Variants in GRIN3A observed in about 807,000 individuals in gnomAD.
The protein encoded by GRIN3A is glutamate receptor ionotropic, NMDA 3A.
A neutral mutation model predicts 92.4 loss-of-function variants in GRIN3A; 47 were observed. The ratio of observed to expected loss-of-function variants is 0.51; its 90% CI spans 0.40 to 0.65. The LOEUF (loss-of-function observed/expected upper bound fraction) is 0.65, where lower values mean the gene tolerates loss of function less well. Among genes scored for constraint, GRIN3A ranks in the 30% least tolerant of loss-of-function variants. The pLI is 0.00. For synonymous variants in GRIN3A, 527 were observed against 540.6 expected (o/e 0.97, Z 0.35); for missense variants, 1,324 against 1,393.1 (o/e 0.95, Z 0.79).
At chr9:101,577,877 T>A in intron 7 of GRIN3A, 33 bp from the exon 8 acceptor site, 2 of 1,482,670 alleles carry the variant, frequency 1.3e-6, no homozygotes, top group Non-Finnish European at 1.9e-6. Context: ...AGGTAGAAAT[T>A]ATGAGAAACA....
intron 6 of GRIN3A, among the ~76,000 whole-genome samples, chr9:101,596,821 T>C (rs901058265): frequency 3.3e-5 from 5 of 152,208 alleles, no homozygotes; most frequent in Non-Finnish European, 7.3e-5. Context: ...GATTCAGTCT[T>C]AGGAAGGGTG....
In GRIN3A at chr9:101,709,186, T is replaced by A. The variant is rs1395127066; in HGVS notation, c.700-21986A>T. On this transcript the variant is annotated intron_variant, in intron 1 of 8. Transcript: ENST00000361820. ...AGAGGCCGGACATGATAAAGGAAGC[T>A]AATGATAAATATGTTAATGTGTATT... is the stretch of plus-strand genomic sequence containing the variant. 2.0e-5 allele frequency among the ~76,000 whole-genome samples: 3 copies of A among 152,142 alleles called. No individual in the cohort carries two copies. The East Asian group carries it at 5.8e-4, about 29-fold the overall frequency.
chr9:101,628,106 T>C, intron 4 of GRIN3A, 150 bp downstream of exon 4: 1 of 698,202 alleles, frequency 1.4e-6, no homozygotes, highest in East Asian at 2.7e-5. Flanking sequence ...TCACACCATC[T>C]CCTGGGATCT....
At chr9:101,733,162 A>G (rs895353736) in intron 1 of GRIN3A, among the ~76,000 whole-genome samples, 1 of 152,210 alleles carries the variant, frequency 6.6e-6, no homozygotes, top group Non-Finnish European at 1.5e-5. Flanking sequence ...ATCATAAATT[A>G]ACTCTAAGAT....
intron 6 of GRIN3A, among the ~76,000 whole-genome samples, chr9:101,581,706 G>A (rs1827889622): frequency 6.6e-6 from 1 of 152,132 alleles, no homozygotes; most frequent in Non-Finnish European, 1.5e-5. Flanking sequence ...CCCAGTCTCG[G>A]GTATTTTGTT....
chr9:101,732,952 T>C lies in GRIN3A; in HGVS notation c.699+4329A>G, dbSNP rs577401790. Among the ~76,000 whole-genome samples, 118 of 152,284 alleles carry C rather than the reference T, an allele frequency of 7.7e-4. 1 individual carries two copies. The highest frequency in any genetic ancestry group is 9.8e-4 in the Admixed American group (15 of 15,306). On this transcript the variant is annotated intron_variant, in intron 1 of 8. Coordinates refer to ENST00000361820, the MANE Select transcript of GRIN3A (RefSeq NM_133445.3). ...GAACATCTGCAACGAAAGAGGCAGA[T>C]TGGGAACATTTTGGCCACTATTTCA...
At chr9:101,593,657 A>T (rs949616240) in intron 6 of GRIN3A, 1 of 152,264 alleles carries the variant, frequency 6.6e-6, no homozygotes, top group African/African-American at 2.4e-5. Flanking sequence ...ATTGAAATTA[A>T]TGCTGGTGTG....
At chr9:101,714,873 C>T (rs1031734171) in intron 1 of GRIN3A, among the ~76,000 whole-genome samples, 5 of 152,082 alleles carry the variant, frequency 3.3e-5, no homozygotes, top group African/African-American at 9.7e-5. Context: ...AAAAGGTGAT[C>T]TTCAAAGGGA....
chr9:101,737,842 G>A lies in GRIN3A; in HGVS notation c.138C>T (p.His46=), dbSNP rs1024312927. The change falls in exon 1 of 9, where the codon CAC becomes CAT. Residue 46 remains histidine (H), a synonymous_variant. Coordinates refer to ENST00000361820, the MANE Select transcript of GRIN3A (RefSeq NM_133445.3). ...AGTGCACCGCGCCCACCCTCACCGCGTGCCCGATGCGCTTGAGGATCTGGC... is the reference window on the plus strand; with the variant it reads ...AGTGCACCGCGCCCACCCTCACCGCATGCCCGATGCGCTTGAGGATCTGGC... ...QPCQILKRIG[H]AVRVGAVHLQ... 9 of 1,533,096 alleles carry A rather than the reference G, an allele frequency of 5.9e-6. No homozygotes were observed. In the South Asian group the frequency reaches 9.5e-5, roughly 16 times the overall value. The allele number at this position is 1,533,096 out of a possible 1,614,324, so 95.0% of individuals were successfully genotyped here.
At chr9:101,574,401 G>C (rs531758467) in intron 8 of GRIN3A, among the ~76,000 whole-genome samples, 22 of 152,172 alleles carry the variant, frequency 1.4e-4, no homozygotes, top group Non-Finnish European at 2.9e-4. Context: ...AGGAGAAGAA[G>C]CAGGAGGAGG....
At position 101,579,308 on chromosome 9, in the gene GRIN3A, A is replaced by G; in HGVS notation, c.2819T>C (p.Ile940Thr). 6.2e-7 allele frequency: 1 copy of G among 1,614,044 alleles called. No individual in the cohort carries two copies. Among genetic ancestry groups the G allele is most frequent in the Non-Finnish European group, 8.5e-7 (1 of 1,179,924 alleles). The change falls in exon 7 of 9, where the codon ATT becomes ACT. Residue 940 changes from isoleucine to threonine, a missense_variant. Transcript: ENST00000361820. Reference protein sequence around the residue: ...HFSGLFVLLCIGFGLSILTTI... With the variant: ...HFSGLFVLLCTGFGLSILTTI... ...GGTCAAAATGGACAGACCAAATCCA[A>G]TGCACAGCAGCACAAAGAGCCCAGA...
chr9:101,666,092 C>T (rs763237723), intron 3 of GRIN3A, among the ~76,000 whole-genome samples: 8 of 151,854 alleles, frequency 5.3e-5, no homozygotes, highest in Admixed American at 4.6e-4. Context: ...TCTTTCACCT[C>T]GTCTCTCCAC....
chr9:101,723,965 G>C (rs1830048368), intron 1 of GRIN3A, among the ~76,000 whole-genome samples: 1 of 152,150 alleles, frequency 6.6e-6, no homozygotes, highest in Non-Finnish European at 1.5e-5. Context: ...GCTAGACACG[G>C]GGTGCTTATT....
chr9:101,698,513 C>T (rs1829711241), intron 1 of GRIN3A, among the ~76,000 whole-genome samples: 4 of 152,090 alleles, frequency 2.6e-5, no homozygotes, highest in South Asian at 2.1e-4. Context: ...GCCTAGATGG[C>T]ATAACCTACT....
chr9:101,687,180 CA>C lies in GRIN3A; in HGVS notation c.719del (p.Leu240ArgfsTer3). On this transcript the variant is annotated frameshift_variant, in exon 2 of 9. Transcript: ENST00000361820. LOFTEE classifies it high-confidence loss of function. ...RESQNPLHLQLSLENSLSSDA... is the reference protein window; with the variant it reads ...RESQNPLHLQXSLENSLSSDA... ...CAGAACTTAATGAATTTTCTAAACTCAGTTGTAGGTGAAGGGGATTCTGTAT... is the reference window on the plus strand; with the variant it reads ...CAGAACTTAATGAATTTTCTAAACTCGTTGTAGGTGAAGGGGATTCTGTAT... 6.2e-7 allele frequency: 1 copy of C among 1,613,834 alleles called. No homozygotes were observed. The highest frequency in any genetic ancestry group is 8.5e-7 in the Non-Finnish European group (1 of 1,179,806).
chr9:101,669,758 G>T (rs980930799), intron 3 of GRIN3A, among the ~76,000 whole-genome samples: 10 of 132,046 alleles, frequency 7.6e-5, no homozygotes, highest in African/African-American at 2.5e-4. Context: ...TCCCTGATAG[G>T]TGTGCTATCT....
intron 6 of GRIN3A, among the ~76,000 whole-genome samples, chr9:101,580,636 G>A (rs1827875678): frequency 6.6e-6 from 1 of 152,118 alleles, no homozygotes; most frequent in African/African-American, 2.4e-5. Context: ...AGTAAACCGA[G>A]CCAAGCCACA....
chr9:101,624,799 C>T (rs920658166), intron 4 of GRIN3A, among the ~76,000 whole-genome samples: 3 of 152,142 alleles, frequency 2.0e-5, no homozygotes, highest in Non-Finnish European at 4.4e-5. Context: ...GGAATGGCCA[C>T]ACTGACTTCC....
intron 3 of GRIN3A, among the ~76,000 whole-genome samples, chr9:101,661,650 A>C (rs1264828410): frequency 6.6e-6 from 1 of 151,814 alleles, no homozygotes; most frequent in East Asian, 1.9e-4. Context: ...AGTTTTTGCT[A>C]TTTTAAGTAA....
Sources: gnomAD v4.1 joint callset for allele counts (sites outside exome capture counted in the v4.1 genomes callset) on GRCh38, gnomAD v4.1.1 for gene constraint, MANE v1.5 for transcripts, NCBI Gene and HGNC (gene_info 2026-07-23, HGNC 2026-07-21) for gene names.